DENND1B: variants seen among roughly 807,000 people sequenced by gnomAD.
The protein encoded by DENND1B is DENN domain containing 1B, also known as DENN domain-containing protein 1B.
A neutral mutation model predicts 90.1 loss-of-function variants in DENND1B; 59 were observed. The observed-to-expected ratio is 0.65, with a 90% CI of 0.53 to 0.81. DENND1B has a LOEUF of 0.81. DENND1B is among the 40% of genes least tolerant of loss of function. DENND1B has a pLI of 0.00. For synonymous variants in DENND1B, 337 were observed against 324.6 expected, an observed-to-expected ratio of 1.04 and a Z score of -0.41; for missense variants, 862 against 912.6, an observed-to-expected ratio of 0.94 and a Z score of 0.71.
chr1:197,628,848 C>T (rs1442625686), intron 10 of DENND1B, among the ~76,000 whole-genome samples: 1 of 151,854 alleles, frequency 6.6e-6, no homozygotes, highest in Non-Finnish European at 1.5e-5. Flanking sequence ...CAAACAACCC[C>T]ATCAAAAAGT....
chr1:197,585,568 G>A (rs2111933), intron 14 of DENND1B, among the ~76,000 whole-genome samples: 150,658 of 152,320 alleles, frequency 0.99, 74,519 homozygotes, highest in East Asian at 1. Context: ...CCAGAGAACA[G>A]GTAAAGAAAA....
intron 2 of DENND1B, among the ~76,000 whole-genome samples, chr1:197,751,302 A>C (rs1653471738): frequency 6.6e-6 from 1 of 152,210 alleles, no homozygotes; most frequent in Non-Finnish European, 1.5e-5. Flanking sequence ...AATATCTGGA[A>C]AGTAAGCACT....
chr1:197,659,715 A>C (rs1654217346), intron 5 of DENND1B, among the ~76,000 whole-genome samples: 1 of 152,036 alleles, frequency 6.6e-6, no homozygotes, highest in Non-Finnish European at 1.5e-5. Flanking sequence ...CAAAACCTAA[A>C]TGCCATTAGA....
chr1:197,683,876 A>G (rs1433490071), intron 3 of DENND1B, among the ~76,000 whole-genome samples: 1 of 152,206 alleles, frequency 6.6e-6, no homozygotes, highest in Non-Finnish European at 1.5e-5. Flanking sequence ...AACCAGATCA[A>G]TGGAGTTAGT....
At chr1:197,637,404 A>G (rs1422261689) in intron 10 of DENND1B, among the ~76,000 whole-genome samples, 1 of 152,184 alleles carries the variant, frequency 6.6e-6, no homozygotes, top group African/African-American at 2.4e-5. Flanking sequence ...ATTAAAAGCC[A>G]ATTATTTACT....
chr1:197,678,734 CTTTTAT>C (rs1656342552), intron 3 of DENND1B, among the ~76,000 whole-genome samples: 1 of 152,124 alleles, frequency 6.6e-6, no homozygotes, highest in Admixed American at 6.6e-5. Context: ...AGCCTATCAT[CTTTTAT>C]TTTTAAGAAG....
chr1:197,627,245 A>AT (rs1678844413), intron 10 of DENND1B, among the ~76,000 whole-genome samples: 1 of 152,152 alleles, frequency 6.6e-6, no homozygotes, highest in Non-Finnish European at 1.5e-5. Flanking sequence ...TTTTAGACCA[A>AT]TATCCTTGAT....
chr1:197,600,433 C>T (rs1676098334), intron 13 of DENND1B, among the ~76,000 whole-genome samples: 1 of 151,528 alleles, frequency 6.6e-6, no homozygotes, highest in Admixed American at 6.6e-5. Flanking sequence ...TCAGGCTGTC[C>T]CTAAAAGGGA....
At chr1:197,781,649 A>T in the DENND1B span, among the ~76,000 whole-genome samples, 2 of 152,192 alleles carry the variant, frequency 1.3e-5, no homozygotes, top group African/African-American at 4.8e-5. Context: ...GGGATTCGGG[A>T]TCAATATCTT....
intron 14 of DENND1B, among the ~76,000 whole-genome samples, chr1:197,589,391 C>G (rs563842796): frequency 1.3e-5 from 2 of 152,108 alleles, no homozygotes; most frequent in Non-Finnish European, 2.9e-5. Context: ...CAGATGCACA[C>G]CAAATATTTC....
At chr1:197,628,962 A>C (rs191653781) in intron 10 of DENND1B, among the ~76,000 whole-genome samples, 12,237 of 151,732 alleles carry the variant, frequency 0.081, 625 homozygotes, top group Non-Finnish European at 0.11. Flanking sequence ...AAATGCAAAT[A>C]AAAACCACAA....
At chr1:197,705,909 T>C (rs1332683497) in intron 3 of DENND1B, among the ~76,000 whole-genome samples, 2 of 152,164 alleles carry the variant, frequency 1.3e-5, no homozygotes, top group African/African-American at 4.8e-5. Flanking sequence ...TATAATTCTA[T>C]ACCCTCTTTT....
chr1:197,612,385 C>G (rs1484294214), intron 11 of DENND1B, among the ~76,000 whole-genome samples: 1 of 150,392 alleles, frequency 6.6e-6, no homozygotes. Context: ...TTTTCCTATT[C>G]AATTAAATTC....
chr1:197,548,865 A>G (rs1671011801), intron 16 of DENND1B, among the ~76,000 whole-genome samples: 1 of 152,142 alleles, frequency 6.6e-6, no homozygotes, highest in African/African-American at 2.4e-5. Context: ...GCAAAGAAGA[A>G]GTCCCTTGCT....
At chr1:197,768,214 C>T (rs1655951929) in intron 2 of DENND1B, among the ~76,000 whole-genome samples, 1 of 151,556 alleles carries the variant, frequency 6.6e-6, no homozygotes. Context: ...TCCTCTTCCT[C>T]CTGCTCCTCC....
chr1:197,563,720 AC>A (rs1356437887), intron 15 of DENND1B, among the ~76,000 whole-genome samples: 2 of 152,050 alleles, frequency 1.3e-5, no homozygotes, highest in Admixed American at 6.6e-5. Context: ...CATTAGGGCT[AC>A]AGCTACCATA....
chr1:197,618,400 C>T (rs2125864553), intron 10 of DENND1B, among the ~76,000 whole-genome samples: 1 of 151,324 alleles, frequency 6.6e-6, no homozygotes, highest in Non-Finnish European at 1.5e-5. Flanking sequence ...CCAAGTATAT[C>T]ATAATTTCAT....
rs546761783 is a variant in DENND1B at position 197,628,376 on chromosome 1, A to T, written c.673-10617T>A. Among the ~76,000 whole-genome samples the T allele has an allele frequency of 6.9e-3, 1,046 of 151,976 alleles. 9 individuals carry two copies. The highest frequency in any genetic ancestry group is 0.024 in the African/African-American group (977 of 41,484). On this transcript the variant is annotated intron_variant, in intron 10 of 22. Transcript: ENST00000620048. The stretch of plus-strand genomic sequence containing the variant: ...GAGCCCTCAGAAATAACGCCGCATA[A>T]CTACAACTATCTGATCTTTGACAAA...
chr1:197,762,576 T>TAAAATACAGGG (rs1655220331), intron 2 of DENND1B, among the ~76,000 whole-genome samples: 1 of 152,210 alleles, frequency 6.6e-6, no homozygotes, highest in African/African-American at 2.4e-5. Flanking sequence ...AAAATCCATG[T>TAAAATACAGGG]ATTTAACAAC....
Sources: gnomAD v4.1 joint callset for allele counts (sites outside exome capture counted in the v4.1 genomes callset) on GRCh38, gnomAD v4.1.1 for gene constraint, MANE v1.5 for transcripts, NCBI Gene and HGNC (gene_info 2026-07-23, HGNC 2026-07-21) for gene names.